IFT43: variants seen among roughly 807,000 people sequenced by gnomAD.
The protein encoded by IFT43 is intraflagellar transport 43.
In IFT43, 33 loss-of-function variants were observed where a neutral mutation model predicts 32.3. The ratio of observed to expected loss-of-function variants is 1.02; its 90% confidence interval spans 0.77 to 1.37. IFT43 has a LOEUF of 1.37. Ranked by LOEUF, IFT43 falls within the 40% of genes most tolerant of loss-of-function variation. IFT43 has a pLI of 0.00. For synonymous variants in IFT43, 93 were observed against 98.2 expected (o/e 0.95, Z 0.31); for missense variants, 274 against 265.9 (o/e 1.03, Z -0.21).
intron 1 of IFT43, among the ~76,000 whole-genome samples, chr14:75,987,422 A>T (rs1157433943): frequency 6.6e-6 from 1 of 152,224 alleles, no homozygotes; most frequent in Non-Finnish European, 1.5e-5. Context: ...TTAGTGGGGC[A>T]GTCAGTCCTT....
intron 5 of IFT43, among the ~76,000 whole-genome samples, chr14:76,066,327 G>T (rs1003873758): frequency 6.6e-6 from 1 of 152,286 alleles, no homozygotes; most frequent in East Asian, 1.9e-4. Context: ...GTCAGAGAGC[G>T]CTCCTGCTTT....
Position 76,018,001 on chromosome 14 carries a change from C to T in IFT43, c.148-4326C>T, listed in dbSNP as rs143910203. On this transcript the variant is annotated intron_variant, in intron 2 of 8. Transcript: ENST00000314067. ...TTTGTTTATCTTTTCAAAAAACTAT[C>T]TTTTGTTTCATTGATCGTTTGTATT... Among the ~76,000 whole-genome samples, 1,306 of 151,898 alleles carry T rather than the reference C, an allele frequency of 8.6e-3. 46 individuals are homozygous for T. The highest frequency in any genetic ancestry group is 0.078 in the Admixed American group (1,185 of 15,250).
intron 3 of IFT43, among the ~76,000 whole-genome samples, chr14:76,031,462 C>A (rs1031768644): frequency 1.3e-5 from 2 of 152,134 alleles, no homozygotes; most frequent in Admixed American, 6.5e-5. Context: ...TACTTATAGA[C>A]CATAACAATC....
At chr14:76,026,097 A>G (rs1383618672) in intron 3 of IFT43, among the ~76,000 whole-genome samples, 1 of 151,868 alleles carries the variant, frequency 6.6e-6, no homozygotes, top group Non-Finnish European at 1.5e-5. Context: ...TTAAATTTAC[A>G]AGAAAAAAAA....
chr14:75,985,856 G>T lies in IFT43; in HGVS notation c.54+16G>T, dbSNP rs767072785. 3 of 1,613,556 alleles carry T rather than the reference G, an allele frequency of 1.9e-6. No homozygotes were observed. The highest frequency in any genetic ancestry group is 3.3e-5 in the Admixed American group (2 of 59,978). On this transcript the variant is annotated intron_variant, in intron 1 of 8. Coordinates refer to ENST00000314067, the MANE Select transcript of IFT43 (RefSeq NM_001102564.3). ...GGCTACCTCCGTGAGGACCAATTCG[G>T]GGGCCTTGGGGGCCAGGATTTGGCG...
rs562860341 is a variant in IFT43, at chr14:76,073,577, G to A, written c.296-8718G>A. 1.5e-3 allele frequency among the ~76,000 whole-genome samples: 233 copies of A among 152,186 alleles called. 7 individuals carry two copies. Among genetic ancestry groups the A allele is most frequent in the Non-Finnish European group, 1.2e-3 (83 of 68,010 alleles). On this transcript the variant is annotated intron_variant, in intron 5 of 8. Coordinates refer to ENST00000314067, the MANE Select transcript of IFT43 (RefSeq NM_001102564.3). ...CTTTCTGAACATTCAGAGATGTCCG[G>A]TGTGTGTGTGCGCATGTGCACACAT...
chr14:76,064,457 C>T (rs994335584), intron 5 of IFT43, among the ~76,000 whole-genome samples: 16 of 152,254 alleles, frequency 1.1e-4, no homozygotes, highest in Middle Eastern at 3.4e-3. Flanking sequence ...GTCTGCCAGA[C>T]GTGAGCAAAG....
At chr14:76,060,575 T>C (rs1232460280) in intron 5 of IFT43, among the ~76,000 whole-genome samples, 1 of 151,866 alleles carries the variant, frequency 6.6e-6, no homozygotes, top group Non-Finnish European at 1.5e-5. Flanking sequence ...TTCACACTCC[T>C]TGTTTGTTTG....
chr14:76,009,891 T>A (rs1273361650), intron 2 of IFT43, among the ~76,000 whole-genome samples: 1 of 152,006 alleles, frequency 6.6e-6, no homozygotes, highest in Non-Finnish European at 1.5e-5. Context: ...GCCTCCTGGG[T>A]TCCAGCGATT....
At chr14:75,992,853 T>G (rs1487367110) in intron 2 of IFT43, among the ~76,000 whole-genome samples, 1 of 152,266 alleles carries the variant, frequency 6.6e-6, no homozygotes, top group South Asian at 2.1e-4. Context: ...GAGAAAAGTT[T>G]TTTTGCTTTC....
intron 3 of IFT43, among the ~76,000 whole-genome samples, chr14:76,025,969 C>G (rs2036385500): frequency 6.6e-6 from 1 of 152,074 alleles, no homozygotes; most frequent in Non-Finnish European, 1.5e-5. Context: ...TAAAGTAAAG[C>G]ACTTCTGCAC....
intron 2 of IFT43, among the ~76,000 whole-genome samples, chr14:75,999,269 ATATGTATATATATTTTT>A (rs2035831631): frequency 8.2e-5 from 2 of 24,246 alleles, no homozygotes; most frequent in African/African-American, 4.8e-4. Flanking sequence ...ATATATATAT[ATATGTATATATATTTTT>A]TTTTTTTTTT....
rs781554333 is a variant in IFT43 at position 76,082,286 on chromosome 14, TC to T, written c.296-7del. Reference sequence around the variant, plus strand: ...CTGCAGACAGTGTTGCCTCTGCCTCTCCTTGCAGATATTCCTATCATTCCGG... The same window carrying T: ...CTGCAGACAGTGTTGCCTCTGCCTCTCTTGCAGATATTCCTATCATTCCGG... On this transcript the variant is annotated splice_polypyrimidine_tract_variant and splice_region_variant and intron_variant, in intron 5 of 8. Transcript: ENST00000314067. 6.2e-7 allele frequency: 1 copy of T among 1,613,538 alleles called. No homozygotes were observed. The highest frequency in any genetic ancestry group is 2.2e-5 in the East Asian group (1 of 44,902).
At chr14:76,051,251 A>G (rs2036909305) in intron 3 of IFT43, among the ~76,000 whole-genome samples, 1 of 149,006 alleles carries the variant, frequency 6.7e-6, no homozygotes, top group Admixed American at 6.8e-5. Context: ...CATGAGTGGC[A>G]AGAACTAGGA....
intron 3 of IFT43, among the ~76,000 whole-genome samples, chr14:76,047,314 G>T (rs1173110582): frequency 1.3e-5 from 2 of 152,170 alleles, no homozygotes; most frequent in African/African-American, 4.8e-5. Flanking sequence ...TGAGCCTGGG[G>T]TTCTTAGAGT....
chr14:76,041,968 G>GT, intron 3 of IFT43, among the ~76,000 whole-genome samples: 1 of 152,174 alleles, frequency 6.6e-6, no homozygotes, highest in Non-Finnish European at 1.5e-5. Flanking sequence ...TGTCCCCTGA[G>GT]TTTTTTTAGA....
In IFT43 at chr14:75,993,198, A is replaced by G. The variant is rs570737264; in HGVS notation, c.147+4221A>G. On this transcript the variant is annotated intron_variant, in intron 2 of 8. Coordinates refer to ENST00000314067, the MANE Select transcript of IFT43 (RefSeq NM_001102564.3). ...CTGAGGTTGAAAACTGGTGGCCTTCAGGCTGAATTTGGCCTATAGTCATGT... is the reference window on the plus strand; with the variant it reads ...CTGAGGTTGAAAACTGGTGGCCTTCGGGCTGAATTTGGCCTATAGTCATGT... Among the ~76,000 whole-genome samples, 18 of 152,358 alleles carry G rather than the reference A, an allele frequency of 1.2e-4. No homozygotes were observed. In the South Asian group the frequency reaches 3.5e-3, roughly 30 times the overall value.
chr14:76,000,291 G>A (rs1401873593), intron 2 of IFT43, among the ~76,000 whole-genome samples: 2 of 112,864 alleles, frequency 1.8e-5, no homozygotes, highest in Admixed American at 2.3e-4. Context: ...TTGAGATATA[G>A]TCTTGCTCTG....
intron 5 of IFT43, 48 bp from the exon 6 acceptor site, chr14:76,082,246 CA>C: frequency 1.3e-6 from 2 of 1,558,174 alleles, no homozygotes; most frequent in Non-Finnish European, 1.8e-6. Flanking sequence ...GAAGCAGGCA[CA>C]ATCCCTATGA....
Sources: allele counts gnomAD v4.1 joint callset (sites outside exome capture counted in the v4.1 genomes callset), GRCh38; gene constraint gnomAD v4.1.1; transcripts MANE v1.5; gene names NCBI Gene and HGNC (gene_info 2026-07-23, HGNC 2026-07-21).